The following TSPYL2 variants were observed in gnomAD, a reference collection of about 807,000 sequenced individuals.
TSPYL2 encodes testis-specific Y-encoded-like protein 2.
Under a neutral mutation model 33.0 loss-of-function variants are expected in TSPYL2, and 9 were observed. That is an observed-to-expected ratio of 0.27 (90% CI 0.16 to 0.48). TSPYL2 has a LOEUF of 0.48. TSPYL2 is among the 20% of genes least tolerant of loss of function. The pLI, the probability that TSPYL2 is intolerant of heterozygous loss-of-function variation, is 0.99. For missense variants in TSPYL2, 636 were observed against 586.2 expected (o/e 1.08, Z -0.88); for synonymous variants, 330 against 233.6 (o/e 1.41, Z -3.77).
rs1932795797 is a variant in TSPYL2 at position 53,088,441 on chromosome X, CCATTGCGGTATT to C, written c.*504_*515del. ...TCGGTGTCTATGCAAGGCCGCTTCG[CCATTGCGGTATT>C]CTTTGCGGTATTCTTGTCCCCGTCC... On this transcript the variant is annotated 3_prime_UTR_variant, in exon 7 of 7. Coordinates refer to ENST00000375442, the MANE Select transcript of TSPYL2 (RefSeq NM_022117.4). The C allele has an allele frequency of 8.5e-6, 1 of 117,675 alleles. No individual in the cohort carries two copies. The highest frequency in any genetic ancestry group is 3.2e-5 in the African/African-American group (1 of 31,428). 9.7% of individuals were successfully genotyped at this position (117,675 alleles called of 1,213,427 possible).
At position 53,082,850 on chromosome X, in the gene TSPYL2, C is replaced by G; in HGVS notation, c.352C>G (p.Leu118Val). Residue 118 changes from leucine to valine, a missense_variant, in exon 1 of 7, where the codon CTC becomes GTC. Physicochemically the swap from Leu to Val is conservative, Grantham distance 32. Coordinates refer to ENST00000375442, the MANE Select transcript of TSPYL2 (RefSeq NM_022117.4). ...APPPTESLEA[L>V]PTPEASGGSL... Reference sequence around the variant, plus strand: ...CCCGCCCACGGAGAGCCTGGAAGCACTCCCCACTCCTGAGGCCTCGGGGGG... The same window carrying G: ...CCCGCCCACGGAGAGCCTGGAAGCAGTCCCCACTCCTGAGGCCTCGGGGGG... The G allele has an allele frequency of 8.3e-7, 1 of 1,208,381 alleles. No individual in the cohort carries two copies. Among genetic ancestry groups the G allele is most frequent in the Non-Finnish European group, 1.1e-6 (1 of 894,164 alleles).
intron 6 of TSPYL2, 36 bp downstream of exon 6, chrX:53,086,346 T>C (rs782185071): frequency 8.7e-7 from 1 of 1,149,878 alleles, no homozygotes; most frequent in Non-Finnish European, 1.2e-6. Context: ...TCTTCCCTCT[T>C]TTCTTTTCTC....
intron 5 of TSPYL2, 87 bp from the exon 6 acceptor site, chrX:53,085,544 C>G: frequency 1.0e-6 from 1 of 1,000,070 alleles, no homozygotes. Flanking sequence ...TTATAGCCTA[C>G]TGCTTCCCCA....
In TSPYL2 at chrX:53,083,144, C is replaced by G; in HGVS notation, c.646C>G (p.Leu216Val). Reference sequence around the variant, plus strand: ...AAATGCCGAGAGGATGGAGAGCATCCTGCAGGCACTGGAGGATATTCAGCT... The same window carrying G: ...AAATGCCGAGAGGATGGAGAGCATCGTGCAGGCACTGGAGGATATTCAGCT... ...ERNAERMESI[L>V]QALEDIQLDL... The change falls in exon 1 of 7, where the codon CTG becomes GTG. Residue 216 changes from leucine (L) to valine (V), a missense_variant. Leu to Val is a conservative substitution (Grantham distance 32). Transcript: ENST00000375442. The G allele has an allele frequency of 2.5e-6, 3 of 1,210,909 alleles. No homozygotes were observed. Among genetic ancestry groups the G allele is most frequent in the Admixed American group, 2.2e-5 (1 of 45,953 alleles).
At chrX:53,084,329 A>G (rs900775917) in intron 1 of TSPYL2, among the ~76,000 whole-genome samples, 4 of 112,335 alleles carry the variant, frequency 3.6e-5, no homozygotes, top group African/African-American at 1.3e-4. Context: ...TACCACATGC[A>G]CATGGATTGT....
intron 5 of TSPYL2, 37 bp from the exon 6 acceptor site, chrX:53,085,594 C>T (rs1556808281): frequency 4.2e-6 from 5 of 1,190,911 alleles, no homozygotes; most frequent in Non-Finnish European, 5.7e-6. Context: ...ACACCACCTC[C>T]CACCAACCCT....
In TSPYL2 at chrX:53,082,753, C is replaced by T. The variant is rs1602101839; in HGVS notation, c.255C>T (p.Arg85=). 1 of 1,182,040 alleles carries T rather than the reference C, an allele frequency of 8.5e-7. No homozygotes were observed. The highest frequency in any genetic ancestry group is 1.8e-5 in the African/African-American group (1 of 56,655). Residue 85 remains arginine (R), a synonymous_variant, in exon 1 of 7, where the codon CGC becomes CGT. Coordinates refer to ENST00000375442, the MANE Select transcript of TSPYL2 (RefSeq NM_022117.4). The stretch of plus-strand genomic sequence containing the variant: ...TCATTCTCGAGGAGGGGGGGATCCG[C>T]GCATACTTCACGCTCGGTGCTGAGT... ...PYVILEEGGI[R]AYFTLGAECP...
chrX:53,085,536 A>T (rs1556808255), intron 5 of TSPYL2, 95 bp from the exon 6 acceptor site: 35 of 955,164 alleles, frequency 3.7e-5, no homozygotes, highest in Non-Finnish European at 5.1e-5. Context: ...GGGATCCCTT[A>T]TAGCCTACTG....
chrX:53,084,897 TC>T (rs782412523), intron 3 of TSPYL2, 31 bp downstream of exon 3: 12 of 1,207,648 alleles, frequency 9.9e-6, no homozygotes, highest in Admixed American at 6.5e-5. Flanking sequence ...AAATCCATGT[TC>T]CCCCCCTCAA....
rs782064735 is a variant in TSPYL2, at chrX:53,087,940, G to C, written c.*1G>C. ...GGGGAAGAGGGGGAAAACCGGATAA[G>C]GGTTTTCCCCTTTTGGGGATCACCT... On this transcript the variant is annotated 3_prime_UTR_variant, in exon 7 of 7. Transcript: ENST00000375442. The C allele has an allele frequency of 3.3e-6, 4 of 1,209,988 alleles. No homozygotes were observed. Among genetic ancestry groups the C allele is most frequent in the Non-Finnish European group, 4.5e-6 (4 of 894,335 alleles).
rs782646692 is a variant in TSPYL2 at position 53,086,644 on chromosome X, A to G, written c.1918+334A>G. 1.7e-4 allele frequency: 51 copies of G among 299,481 alleles called. 1 individual carries two copies. Among genetic ancestry groups the G allele is most frequent in the Non-Finnish European group, 2.9e-4 (50 of 170,342 alleles). 24.7% of individuals were successfully genotyped at this position (299,481 alleles called of 1,213,427 possible). ...GGCAAAACACAGTGCATTTCAGCAC[A>G]GTCTGTACCCGGCCTTGGCCTTTGG... On this transcript the variant is annotated intron_variant, in intron 6 of 6. Coordinates refer to ENST00000375442, the MANE Select transcript of TSPYL2 (RefSeq NM_022117.4).
intron 1 of TSPYL2, 60 bp from the exon 2 acceptor site, chrX:53,084,485 C>G: frequency 2.0e-6 from 2 of 1,008,162 alleles, no homozygotes; most frequent in Non-Finnish European, 2.7e-6. Flanking sequence ...CCTTCCTGGC[C>G]TTCCCTCCCT....
At position 53,087,888 on chromosome X, in the gene TSPYL2, T is replaced by G; in HGVS notation, c.2031T>G (p.Leu677=). The G allele has an allele frequency of 1.7e-6, 2 of 1,211,503 alleles. No homozygotes were observed. The highest frequency in any genetic ancestry group is 1.7e-5 in the African/African-American group (1 of 57,776). ...ACGACTCTGACCTAGAGGATGTGCT[T>G]CAGGTCCCAAACGGTTGGGCCAATC... ...DSDDSDLEDV[L]QVPNGWANPG... is the part of the protein sequence containing the mutation. Residue 677 remains leucine, a synonymous_variant, in exon 7 of 7, where the codon CTT becomes CTG. Transcript: ENST00000375442.
chrX:53,085,183 C>T lies in TSPYL2; in HGVS notation c.1144-44C>T, dbSNP rs782486758. ...GGGGAATTAAGAGGAGGATCTGGAGCTTGTACTAATGGCTGTCTTATTCCT... is the reference window on the plus strand; with the variant it reads ...GGGGAATTAAGAGGAGGATCTGGAGTTTGTACTAATGGCTGTCTTATTCCT... On this transcript the variant is annotated intron_variant, in intron 4 of 6. Coordinates refer to ENST00000375442, the MANE Select transcript of TSPYL2 (RefSeq NM_022117.4). 3.4e-6 allele frequency: 4 copies of T among 1,182,325 alleles called. No homozygotes were observed. The South Asian group carries it at 5.6e-5, about 17-fold the overall frequency.
chrX:53,083,516 A>AG (rs1159601074), intron 1 of TSPYL2, among the ~76,000 whole-genome samples: 4 of 101,394 alleles, frequency 3.9e-5, no homozygotes, highest in East Asian at 3.1e-4. Flanking sequence ...AGGGTGGTGG[A>AG]GGGGGGGCGG....
rs1932737193 is a variant in TSPYL2 at position 53,085,247 on chromosome X, G to A, written c.1164G>A (p.Trp388Ter). The A allele has an allele frequency of 8.3e-7, 1 of 1,207,349 alleles. No individual in the cohort carries two copies. The highest frequency in any genetic ancestry group is 1.1e-6 in the Non-Finnish European group (1 of 893,861). Reference sequence around the variant, plus strand: ...AACAGATTATCAAGAATGATCTGTGGGTTAACCCTCTACGCTACTACCTGA... The same window carrying A: ...AACAGATTATCAAGAATGATCTGTGAGTTAACCCTCTACGCTACTACCTGA... ...RIAEIIKNDLWVNPLRYYLRE... is the reference protein window; with the variant it reads ...RIAEIIKNDL The change falls in exon 5 of 7, where the codon TGG (tryptophan) becomes TGA (stop). Residue 388 changes from tryptophan (W) to a stop codon, truncating the protein, a stop_gained. Coordinates refer to ENST00000375442, the MANE Select transcript of TSPYL2 (RefSeq NM_022117.4). LOFTEE classifies it high-confidence loss of function.
Position 53,087,840 on chromosome X carries a change from C to T in TSPYL2, c.1983C>T (p.Val661=), listed in dbSNP as rs782797957. 6.2e-5 allele frequency: 75 copies of T among 1,210,175 alleles called. No homozygotes were observed. Among genetic ancestry groups the T allele is most frequent in the Non-Finnish European group, 7.6e-5 (68 of 895,039 alleles). ...ATGAGGAGGAAGGAAGTGAAGATGT[C>T]TGGGAAGAAGGGGAAGATTCGGACG... ...GNYEEEGSED[V]WEEGEDSDDS... is the part of the protein sequence containing the mutation. Residue 661 remains valine, a synonymous_variant, in exon 7 of 7, where the codon GTC becomes GTT. Transcript: ENST00000375442.
rs1214136520 is a variant in TSPYL2 at position 53,082,799 on chromosome X, A to G, written c.301A>G (p.Ile101Val). 2.5e-6 allele frequency: 3 copies of G among 1,196,252 alleles called. No homozygotes were observed. The African/African-American group carries it at 5.3e-5, about 21-fold the overall frequency. ...GAECPGWDSTIESGYGEAPPP... is the reference protein window; with the variant it reads ...GAECPGWDSTVESGYGEAPPP... ...TGAGTGTCCCGGCTGGGATTCTACC[A>G]TCGAGTCGGGGTATGGGGAGGCGCC... Residue 101 changes from isoleucine to valine, a missense_variant, in exon 1 of 7, where the codon ATC (isoleucine) becomes GTC (valine). Coordinates refer to ENST00000375442, the MANE Select transcript of TSPYL2 (RefSeq NM_022117.4).
At position 53,082,859 on chromosome X, in the gene TSPYL2, C is replaced by T. The variant is rs782053997; in HGVS notation, c.361C>T (p.Pro121Ser). Residue 121 changes from proline to serine, a missense_variant, in exon 1 of 7, where the codon CCT (proline) becomes TCT (serine). Pro to Ser is a moderately conservative substitution (Grantham distance 74). Coordinates refer to ENST00000375442, the MANE Select transcript of TSPYL2 (RefSeq NM_022117.4). The stretch of plus-strand genomic sequence containing the variant: ...GGAGAGCCTGGAAGCACTCCCCACT[C>T]CTGAGGCCTCGGGGGGGAGCCTGGA... ...PTESLEALPT[P>S]EASGGSLEID... 15 of 1,207,328 alleles carry T rather than the reference C, an allele frequency of 1.2e-5. No individual in the cohort carries two copies. In the Admixed American group the frequency reaches 3.3e-4, roughly 26 times the overall value.
Sources: gnomAD v4.1 joint callset for allele counts (sites outside exome capture counted in the v4.1 genomes callset) on GRCh38, gnomAD v4.1.1 for gene constraint, MANE v1.5 for transcripts, NCBI Gene and HGNC (gene_info 2026-07-23, HGNC 2026-07-21) for gene names.